Variants in RSU1 observed in about 807,000 individuals in gnomAD.
RSU1 encodes the protein rsu-1.
A neutral mutation model predicts 31.1 loss-of-function variants in RSU1; 26 were observed. That is an observed-to-expected ratio of 0.84 (90% CI 0.61 to 1.16). The LOEUF is 1.16. RSU1 is among the 50% of genes most tolerant of loss of function. The pLI is 0.00. For synonymous variants in RSU1, 164 were observed against 136.3 expected, an observed-to-expected ratio of 1.20 and a Z score of -1.41; for missense variants, 320 against 339.1, an observed-to-expected ratio of 0.94 and a Z score of 0.44.
At chr10:16,658,204 A>T (rs983021348) in intron 8 of RSU1, among the ~76,000 whole-genome samples, 1 of 152,142 alleles carries the variant, frequency 6.6e-6, no homozygotes, top group African/African-American at 2.4e-5. Context: ...CAATTTGTCA[A>T]TTTCCATTTG....
chr10:16,666,596 A>T (rs528757569), intron 8 of RSU1, among the ~76,000 whole-genome samples: 1 of 152,048 alleles, frequency 6.6e-6, no homozygotes, highest in East Asian at 1.9e-4. Context: ...AATAGTCCAA[A>T]ACTATTATAA....
At chr10:16,606,969 T>TGACA (rs1018082318) in intron 8 of RSU1, among the ~76,000 whole-genome samples, 1 of 152,150 alleles carries the variant, frequency 6.6e-6, no homozygotes, top group African/African-American at 2.4e-5. Context: ...CCACAGCAGG[T>TGACA]GACACATGGC....
chr10:16,701,737 T>C (rs547120788), intron 7 of RSU1, among the ~76,000 whole-genome samples: 12 of 152,192 alleles, frequency 7.9e-5, no homozygotes, highest in Non-Finnish European at 1.8e-4. Context: ...GAAGTCCTTA[T>C]GCCAATGAAG....
intron 8 of RSU1, among the ~76,000 whole-genome samples, chr10:16,681,448 G>A (rs1293685493): frequency 6.6e-6 from 1 of 151,994 alleles, no homozygotes; most frequent in East Asian, 1.9e-4. Flanking sequence ...ATTTTATCTT[G>A]GATCCATTTT....
At chr10:16,627,503 C>T (rs1360982253) in intron 8 of RSU1, among the ~76,000 whole-genome samples, 2 of 152,040 alleles carry the variant, frequency 1.3e-5, no homozygotes. Context: ...CCTGTAATCC[C>T]AGCACTTTGG....
At chr10:16,643,625 C>T (rs1186706876) in intron 8 of RSU1, among the ~76,000 whole-genome samples, 3 of 152,110 alleles carry the variant, frequency 2.0e-5, no homozygotes, top group Admixed American at 1.3e-4. Flanking sequence ...CATAGAGTTA[C>T]CTATCTGCCT....
At chr10:16,728,283 C>A (rs1471941223) in intron 7 of RSU1, among the ~76,000 whole-genome samples, 1 of 152,150 alleles carries the variant, frequency 6.6e-6, no homozygotes, top group Non-Finnish European at 1.5e-5. Flanking sequence ...AGTTTGGTGT[C>A]AAAAGCTATT....
At chr10:16,699,570 A>T (rs916624680) in intron 7 of RSU1, among the ~76,000 whole-genome samples, 3 of 152,238 alleles carry the variant, frequency 2.0e-5, no homozygotes, top group East Asian at 1.9e-4. Context: ...CACACGCTTC[A>T]GTGCGTTGAG....
chr10:16,604,995 G>A (rs1833778108), intron 8 of RSU1, among the ~76,000 whole-genome samples: 1 of 152,208 alleles, frequency 6.6e-6, no homozygotes, highest in African/African-American at 2.4e-5. Context: ...CCTGCTTGGG[G>A]GAGAAGCCAG....
chr10:16,731,429 CAA>C (rs61458512), intron 7 of RSU1, among the ~76,000 whole-genome samples: 27 of 95,484 alleles, frequency 2.8e-4, no homozygotes, highest in Non-Finnish European at 2.6e-4. Context: ...CACTCCGTCT[CAA>C]AAAAAAAAAA....
At chr10:16,703,923 C>T (rs1430599008) in intron 7 of RSU1, among the ~76,000 whole-genome samples, 3 of 152,126 alleles carry the variant, frequency 2.0e-5, no homozygotes, top group East Asian at 1.9e-4. Flanking sequence ...CTTGAGTGTG[C>T]ATCAGAATAT....
At chr10:16,770,971 A>G (rs923426199) in intron 3 of RSU1, among the ~76,000 whole-genome samples, 3 of 151,956 alleles carry the variant, frequency 2.0e-5, no homozygotes, top group African/African-American at 7.2e-5. Context: ...AAAAAAAAAA[A>G]AAAAAAAAAG....
At chr10:16,755,927 C>T (rs1480148166) in intron 4 of RSU1, among the ~76,000 whole-genome samples, 2 of 152,158 alleles carry the variant, frequency 1.3e-5, no homozygotes, top group Non-Finnish European at 2.9e-5. Flanking sequence ...TGTTATTTTC[C>T]TCCAACGGTG....
rs1473509925 is a variant in RSU1, at chr10:16,651,071, G to C, written c.731+43952C>G. ...TTAATTTTTATTGTCACATATTCAA[G>C]ATGATCTGCACATGAATTTTTACTA... On this transcript the variant is annotated intron_variant, in intron 8 of 8. Transcript: ENST00000345264. 2.0e-5 allele frequency among the ~76,000 whole-genome samples: 3 copies of C among 152,162 alleles called. No homozygotes were observed. The East Asian group carries it at 5.8e-4, about 29-fold the overall frequency.
intron 7 of RSU1, among the ~76,000 whole-genome samples, chr10:16,736,824 T>C (rs1040149385): frequency 6.6e-6 from 1 of 152,002 alleles, no homozygotes; most frequent in Non-Finnish European, 1.5e-5. Flanking sequence ...AGGAAATAAA[T>C]AGTATCTAAA....
chr10:16,641,525 C>G (rs941068781), intron 8 of RSU1, among the ~76,000 whole-genome samples: 1 of 151,466 alleles, frequency 6.6e-6, no homozygotes, highest in Non-Finnish European at 1.5e-5. Context: ...AGGTTATTCA[C>G]ACACCCACAC....
intron 2 of RSU1, among the ~76,000 whole-genome samples, chr10:16,801,744 T>C (rs1838159639): frequency 6.6e-6 from 1 of 151,780 alleles, no homozygotes; most frequent in Non-Finnish European, 1.5e-5. Context: ...AGCTGAAAAA[T>C]CCCAAAACAT....
intron 8 of RSU1, among the ~76,000 whole-genome samples, chr10:16,674,750 T>C (rs112046996): frequency 0.028 from 4,329 of 152,188 alleles, 216 homozygotes; most frequent in African/African-American, 0.099. Flanking sequence ...AAACTGAATA[T>C]AAGTGTAAAG....
At chr10:16,763,546 C>G (rs1201566617) in intron 4 of RSU1, among the ~76,000 whole-genome samples, 1 of 152,166 alleles carries the variant, frequency 6.6e-6, no homozygotes, top group Non-Finnish European at 1.5e-5. Context: ...AGGATCCAAT[C>G]ACCTCCCACC....
Sources: gnomAD v4.1 joint callset for allele counts (sites outside exome capture counted in the v4.1 genomes callset) on GRCh38, gnomAD v4.1.1 for gene constraint, MANE v1.5 for transcripts, NCBI Gene and HGNC (gene_info 2026-07-23, HGNC 2026-07-21) for gene names.